DBNL: variants seen among roughly 807,000 people sequenced by gnomAD.
DBNL encodes drebrin-like protein.
A neutral mutation model predicts 62.2 loss-of-function variants in DBNL; 35 were observed. That is an observed-to-expected ratio of 0.56 (90% CI 0.43 to 0.75). The LOEUF (loss-of-function observed/expected upper bound fraction) is 0.75, where lower values mean the gene tolerates loss of function less well. Ranked by LOEUF, DBNL falls within the 30% of genes least tolerant of loss-of-function variation. The pLI, the probability that DBNL is intolerant of heterozygous loss-of-function variation, is 0.00. For synonymous variants in DBNL, 197 were observed against 218.0 expected (o/e 0.90, Z 0.85); for missense variants, 495 against 578.4 (o/e 0.86, Z 1.48).
rs536386185 is a variant in DBNL at position 44,044,782 on chromosome 7, C to T, written c.45C>T (p.Ala15=). Residue 15 remains alanine (A), a synonymous_variant, in exon 1 of 13, where the codon GCC becomes GCT. Transcript: ENST00000448521. The stretch of plus-strand genomic sequence containing the variant: ...GGAACGGGCCAGCGCTGCAAGAGGC[C>T]TACGTGCGGGTGGTCACCGAGAAGT... ...LSRNGPALQE[A]YVRVVTEKSP... 2.2e-4 allele frequency: 327 copies of T among 1,503,170 alleles called. 4 individuals carry two copies. In the East Asian group the frequency reaches 8.8e-3, roughly 40 times the overall value. 93.1% of individuals were successfully genotyped at this position (1,503,170 alleles called of 1,614,324 possible). A position where few individuals can be genotyped will look rare whatever the true frequency, so the allele number is the denominator to read the frequency against.
chr7:44,056,398 G>C (rs1015324112), intron 4 of DBNL, among the ~76,000 whole-genome samples: 6 of 152,202 alleles, frequency 3.9e-5, no homozygotes, highest in African/African-American at 1.2e-4. Flanking sequence ...GTGGCTTCCA[G>C]ATGGCATTTA....
intron 1 of DBNL, among the ~76,000 whole-genome samples, chr7:44,046,863 C>T (rs2096118195): frequency 2.6e-5 from 4 of 152,232 alleles, no homozygotes; most frequent in Non-Finnish European, 4.4e-5. Context: ...CTGCATGACC[C>T]AGAACCTACC....
At chr7:44,045,584 T>A (rs1475349423) in intron 1 of DBNL, among the ~76,000 whole-genome samples, 1 of 152,266 alleles carries the variant, frequency 6.6e-6, no homozygotes, top group Non-Finnish European at 1.5e-5. Flanking sequence ...TATGGTGGGC[T>A]AAGGTGACCA....
rs1452713893 is a variant in DBNL, at chr7:44,063,986, T to TGGGTCTCCGGGGCCTGCC, written c.*3073_*3090dup. 1 of 152,718 alleles carries TGGGTCTCCGGGGCCTGCC rather than the reference T, an allele frequency of 6.5e-6. No homozygotes were observed. Among genetic ancestry groups the TGGGTCTCCGGGGCCTGCC allele is most frequent in the Non-Finnish European group, 1.5e-5 (1 of 68,468 alleles). The allele number at this position is 152,718 out of a possible 1,614,324, so 9.5% of individuals were successfully genotyped here. ...TGGAGCGGGCAGGCTTGGGGCTGGC[T>TGGGTCTCCGGGGCCTGCC]GGGTCTCCGGGGCCTGCCGGTCTGG... is the stretch of plus-strand genomic sequence containing the variant. On this transcript the variant is annotated 3_prime_UTR_variant, in exon 13 of 13. Coordinates refer to ENST00000448521, the MANE Select transcript of DBNL (RefSeq NM_001014436.3).
rs2096137458 is a variant in DBNL at position 44,056,895 on chromosome 7, G to T, written c.466G>T (p.Ala156Ser). The stretch of plus-strand genomic sequence containing the variant: ...CCGCTTCCAGGACGTGGGACCCCAG[G>T]CCCCAGTGGTGAGTGCTGCTTGCCC... ...SGRFQDVGPQAPVGSVYQKTN... is the reference protein window; with the variant it reads ...SGRFQDVGPQSPVGSVYQKTN... The change falls in exon 5 of 13, where the codon GCC becomes TCC. Residue 156 changes from alanine (A) to serine (S), a missense_variant. Transcript: ENST00000448521. 1.2e-6 allele frequency: 2 copies of T among 1,613,888 alleles called. No individual in the cohort carries two copies. The highest frequency in any genetic ancestry group is 1.3e-5 in the African/African-American group (1 of 75,032).
intron 5 of DBNL, 92 bp downstream of exon 5, chr7:44,056,995 TG>T (rs2096137652): frequency 1.3e-6 from 2 of 1,557,972 alleles, no homozygotes; most frequent in Non-Finnish European, 8.7e-7. Context: ...CCGGGCTGGC[TG>T]GGCCCATGCC....
Position 44,065,253 on chromosome 7 carries a change from C to T in DBNL, c.*4337C>T, listed in dbSNP as rs770622502. The stretch of plus-strand genomic sequence containing the variant: ...GCCTTGTTGAGGCCTGTGAGGCCCC[C>T]GTAATGCCGCTCATTGAGGCGCCAA... On this transcript the variant is annotated 3_prime_UTR_variant, in exon 13 of 13. Coordinates refer to ENST00000448521, the MANE Select transcript of DBNL (RefSeq NM_001014436.3). 1.4e-5 allele frequency: 23 copies of T among 1,613,728 alleles called. No individual in the cohort carries two copies. Among genetic ancestry groups the T allele is most frequent in the African/African-American group, 8.0e-5 (6 of 74,948 alleles).
Position 44,060,670 on chromosome 7 carries a change from G to A in DBNL, c.1154-107G>A. 2.7e-6 allele frequency: 4 copies of A among 1,481,334 alleles called. No homozygotes were observed. Among genetic ancestry groups the A allele is most frequent in the Non-Finnish European group, 3.6e-6 (4 of 1,097,796 alleles). 91.8% of individuals were successfully genotyped at this position (1,481,334 alleles called of 1,614,324 possible). A position where few individuals can be genotyped will look rare whatever the true frequency, so the allele number is the denominator to read the frequency against. On this transcript the variant is annotated intron_variant, in intron 12 of 12. Transcript: ENST00000448521. This position sits in a 1 kb window ranked among gnomAD's most constrained non-coding sequence, Gnocchi z 6.3. ...GGGATATTTCTGAGGAGGAACCAGAGCTGCAGCGAGGTGTGCTGCAGCAGT... is the reference window on the plus strand; with the variant it reads ...GGGATATTTCTGAGGAGGAACCAGAACTGCAGCGAGGTGTGCTGCAGCAGT...
At chr7:44,045,780 T>C (rs1163648679) in intron 1 of DBNL, among the ~76,000 whole-genome samples, 5 of 152,242 alleles carry the variant, frequency 3.3e-5, no homozygotes, top group African/African-American at 1.2e-4. Context: ...AGTGTACTAT[T>C]GTGACCCTGA....
intron 8 of DBNL, 133 bp downstream of exon 8, chr7:44,058,613 G>C: frequency 1.6e-6 from 2 of 1,261,364 alleles, no homozygotes; most frequent in Non-Finnish European, 2.2e-6. Flanking sequence ...TGGAATCTGG[G>C]CACCTCAAGA....
In DBNL at chr7:44,065,926, T is replaced by G; in HGVS notation, c.*5010T>G. ...ACGCTCAGTGGCCTATCAGCCATTC[T>G]CTGCTCAGACAGAGGCACAAACAAA... is the stretch of plus-strand genomic sequence containing the variant. On this transcript the variant is annotated 3_prime_UTR_variant, in exon 13 of 13. Coordinates refer to ENST00000448521, the MANE Select transcript of DBNL (RefSeq NM_001014436.3). 2.8e-6 allele frequency: 1 copy of G among 353,720 alleles called. No individual in the cohort carries two copies. 21.9% of individuals were successfully genotyped at this position (353,720 alleles called of 1,614,324 possible).
At position 44,064,672 on chromosome 7, in the gene DBNL, C is replaced by T. The variant is rs1465812404; in HGVS notation, c.*3756C>T. ...TTACACAGAAATGGGGAAAATTTCACAAAACTAAAAAATGGCTTCTCAGCC... is the reference window on the plus strand; with the variant it reads ...TTACACAGAAATGGGGAAAATTTCATAAAACTAAAAAATGGCTTCTCAGCC... On this transcript the variant is annotated 3_prime_UTR_variant, in exon 13 of 13. Transcript: ENST00000448521. The T allele has an allele frequency of 2.9e-6, 2 of 695,736 alleles. No individual in the cohort carries two copies. Among genetic ancestry groups the T allele is most frequent in the East Asian group, 2.7e-5 (1 of 36,874 alleles). 43.1% of individuals were successfully genotyped at this position (695,736 alleles called of 1,614,324 possible). A position where few individuals can be genotyped will look rare whatever the true frequency, so the allele number is the denominator to read the frequency against.
chr7:44,057,228 CT>C (rs1385320626), intron 5 of DBNL, among the ~76,000 whole-genome samples: 1 of 152,242 alleles, frequency 6.6e-6, no homozygotes, highest in Non-Finnish European at 1.5e-5. Flanking sequence ...TGGGCTGCCC[CT>C]GGAGGTAGCC....
rs757821886 is a variant in DBNL at position 44,065,008 on chromosome 7, C to T, written c.*4092C>T. 129 of 1,606,334 alleles carry T rather than the reference C, an allele frequency of 8.0e-5. No homozygotes were observed. Among genetic ancestry groups the T allele is most frequent in the Non-Finnish European group, 1.0e-4 (120 of 1,179,572 alleles). ...CCCGGGCTTCAGGCCTGCGTACCGACGCTCCTGGGGGACACAGGCACGCTG... is the reference window on the plus strand; with the variant it reads ...CCCGGGCTTCAGGCCTGCGTACCGATGCTCCTGGGGGACACAGGCACGCTG... On this transcript the variant is annotated 3_prime_UTR_variant, in exon 13 of 13. Coordinates refer to ENST00000448521, the MANE Select transcript of DBNL (RefSeq NM_001014436.3).
In DBNL at chr7:44,068,339, G is replaced by A. The variant is rs978398668; in HGVS notation, c.*7423G>A. On this transcript the variant is annotated 3_prime_UTR_variant, in exon 13 of 13. Transcript: ENST00000448521. The stretch of plus-strand genomic sequence containing the variant: ...AGTACAGAGAAGGGAGAGATGAAGT[G>A]AGTGATCCGATAAAGTGATATGTGA... 6.6e-6 allele frequency: 1 copy of A among 152,232 alleles called. No homozygotes were observed. The highest frequency in any genetic ancestry group is 2.4e-5 in the African/African-American group (1 of 41,440). 9.4% of individuals were successfully genotyped at this position (152,232 alleles called of 1,614,324 possible). A position where few individuals can be genotyped will look rare whatever the true frequency, so the allele number is the denominator to read the frequency against.
Position 44,063,078 on chromosome 7 carries a change from CA to C in DBNL, c.*2165del. On this transcript the variant is annotated 3_prime_UTR_variant, in exon 13 of 13. Coordinates refer to ENST00000448521, the MANE Select transcript of DBNL (RefSeq NM_001014436.3). ...GAGAACGAGGCCACAGAAATGTTGC[CA>C]AAGGTCAAGGAGTAACTGAGTTAGA... 2 of 852,482 alleles carry C rather than the reference CA, an allele frequency of 2.3e-6. No individual in the cohort carries two copies. The highest frequency in any genetic ancestry group is 2.9e-5 in the South Asian group (2 of 69,940). The allele number at this position is 852,482 out of a possible 1,614,324, so 52.8% of individuals were successfully genotyped here. A position where few individuals can be genotyped will look rare whatever the true frequency, so the allele number is the denominator to read the frequency against.
At position 44,065,452 on chromosome 7, in the gene DBNL, G is replaced by A. The variant is rs764050202; in HGVS notation, c.*4536G>A. 6.8e-6 allele frequency: 11 copies of A among 1,613,834 alleles called. No homozygotes were observed. The highest frequency in any genetic ancestry group is 4.5e-5 in the East Asian group (2 of 44,898). On this transcript the variant is annotated 3_prime_UTR_variant, in exon 13 of 13. Coordinates refer to ENST00000448521, the MANE Select transcript of DBNL (RefSeq NM_001014436.3). ...TCCCCTTTTCACTCAGCTCTGCATCGAACCAGCCACAGAAACGGTTCTCCT... is the reference window on the plus strand; with the variant it reads ...TCCCCTTTTCACTCAGCTCTGCATCAAACCAGCCACAGAAACGGTTCTCCT...
At chr7:44,056,974 C>A in intron 5 of DBNL, 71 bp downstream of exon 5, 1 of 1,595,876 alleles carries the variant, frequency 6.3e-7, no homozygotes, top group Non-Finnish European at 8.5e-7. Context: ...GGAATATGCA[C>A]TTCCCAGCAC....
At chr7:44,055,873 T>C (rs1359279053) in intron 4 of DBNL, among the ~76,000 whole-genome samples, 1 of 152,228 alleles carries the variant, frequency 6.6e-6, no homozygotes, top group African/African-American at 2.4e-5. Context: ...CTGTTTACTT[T>C]GTTGATTGTT....
Sources: allele counts gnomAD v4.1 joint callset (sites outside exome capture counted in the v4.1 genomes callset), GRCh38; gene constraint gnomAD v4.1.1; non-coding constraint Gnocchi (gnomAD v3.1); transcripts MANE v1.5; gene names NCBI Gene and HGNC (gene_info 2026-07-23, HGNC 2026-07-21).